SV2B: variants seen among roughly 807,000 people sequenced by gnomAD.
SV2B encodes the protein solute carrier family 22 member B2.
A neutral mutation model predicts 73.9 loss-of-function variants in SV2B; 41 were observed. The ratio of observed to expected loss-of-function variants is 0.56; its 90% CI spans 0.43 to 0.72. The LOEUF is 0.72. Ranked by LOEUF, SV2B falls within the 30% of genes least tolerant of loss-of-function variation. The pLI is 0.00. For missense variants in SV2B, 764 were observed against 857.8 expected (o/e 0.89, Z 1.37); for synonymous variants, 314 against 314.2 (o/e 1.00, Z 0.01).
intron 1 of SV2B, among the ~76,000 whole-genome samples, chr15:91,179,114 A>G (rs917956713): frequency 2.1e-4 from 32 of 152,012 alleles, no homozygotes; most frequent in African/African-American, 7.5e-4. Context: ...GTTGGTTTCA[A>G]AGAACATCTT....
rs1330586978 is a variant in SV2B, at chr15:91,261,851, G to A, written c.1008+1442G>A. Among the ~76,000 whole-genome samples, 2 of 152,150 alleles carry A rather than the reference G, an allele frequency of 1.3e-5. No individual in the cohort carries two copies. The highest frequency in any genetic ancestry group is 6.5e-5 in the Admixed American group (1 of 15,272). On this transcript the variant is annotated intron_variant, in intron 6 of 12. Transcript: ENST00000394232. This position sits in a 1 kb window ranked among gnomAD's most constrained non-coding sequence, Gnocchi z 4.7. ...AAGATGGCCTGATAGTTACAGAGAC[G>A]CTGTCTTCCTGCCTGCCATGCTCTG...
intron 1 of SV2B, among the ~76,000 whole-genome samples, chr15:91,162,514 CATAAG>C (rs138840858): frequency 0.12 from 17,756 of 152,102 alleles, 1,332 homozygotes; most frequent in South Asian, 0.22. Flanking sequence ...AGTTTAGAAA[CATAAG>C]ATAACACCTA....
chr15:91,286,117 A>T (rs1372176215), intron 11 of SV2B, among the ~76,000 whole-genome samples: 1 of 152,202 alleles, frequency 6.6e-6, no homozygotes, highest in African/African-American at 2.4e-5. Context: ...GCTTGTTAAG[A>T]GCTGAGACAG....
chr15:91,127,261 A>G (rs1440776652), intron 1 of SV2B, among the ~76,000 whole-genome samples: 1 of 152,170 alleles, frequency 6.6e-6, no homozygotes, highest in African/African-American at 2.4e-5. Flanking sequence ...CATCTCAGAG[A>G]AAAGAGAAGG....
intron 9 of SV2B, among the ~76,000 whole-genome samples, chr15:91,278,185 A>G (rs1425150084): frequency 6.6e-6 from 1 of 152,236 alleles, no homozygotes; most frequent in Non-Finnish European, 1.5e-5. Flanking sequence ...ACACAGTAAA[A>G]GTACGCCCCG....
rs758435473 is a variant in SV2B, at chr15:91,231,988, C to T, written c.451+5274C>T. Reference sequence around the variant, plus strand: ...GCAGCTCAGAGATAGATATATTACTCTGCTGTCGTGAAAGATTATCTTGTG... The same window carrying T: ...GCAGCTCAGAGATAGATATATTACTTTGCTGTCGTGAAAGATTATCTTGTG... On this transcript the variant is annotated intron_variant, in intron 2 of 12. Coordinates refer to ENST00000394232, the MANE Select transcript of SV2B (RefSeq NM_001323032.3). This position sits in a 1 kb window ranked among gnomAD's most constrained non-coding sequence, Gnocchi z 4.5. 6.6e-6 allele frequency among the ~76,000 whole-genome samples: 1 copy of T among 152,184 alleles called. No individual in the cohort carries two copies. Among genetic ancestry groups the T allele is most frequent in the Non-Finnish European group, 1.5e-5 (1 of 68,036 alleles).
At chr15:91,151,216 C>G (rs1195369887) in intron 1 of SV2B, among the ~76,000 whole-genome samples, 3 of 152,224 alleles carry the variant, frequency 2.0e-5, no homozygotes, top group Admixed American at 6.5e-5. Flanking sequence ...TGAAACAAAA[C>G]AAAAGCACAA....
In SV2B at chr15:91,124,384, TGA is replaced by T. The variant is rs1247812134; in HGVS notation, c.-392+24024_-392+24025del. On this transcript the variant is annotated intron_variant, in intron 1 of 12. Transcript: ENST00000394232. The surrounding 1 kb of genome is among the most constrained non-coding windows in gnomAD (Gnocchi z 4.6). ...TAATGGCACCTCCTTCCTCAGGAAG[TGA>T]GACACCTGCAACCGAGTGTGAGGTG... Among the ~76,000 whole-genome samples, 2 of 152,000 alleles carry T rather than the reference TGA, an allele frequency of 1.3e-5. No homozygotes were observed. Among genetic ancestry groups the T allele is most frequent in the African/African-American group, 4.8e-5 (2 of 41,372 alleles).
chr15:91,224,948 A>T lies in SV2B; in HGVS notation c.-391-925A>T, dbSNP rs1749761773. ...GGATGAGATCTTGGCTCTAGACAAC[A>T]TTGCCTCCTGGTGTCCAGAATTGGA... On this transcript the variant is annotated intron_variant, in intron 1 of 12. Coordinates refer to ENST00000394232, the MANE Select transcript of SV2B (RefSeq NM_001323032.3). This position sits in a 1 kb window ranked among gnomAD's most constrained non-coding sequence, Gnocchi z 4.9. Among the ~76,000 whole-genome samples the T allele has an allele frequency of 6.6e-6, 1 of 152,128 alleles. No individual in the cohort carries two copies. The highest frequency in any genetic ancestry group is 1.5e-5 in the Non-Finnish European group (1 of 68,006).
At chr15:91,150,316 C>G (rs760715579) in intron 1 of SV2B, among the ~76,000 whole-genome samples, 3 of 152,134 alleles carry the variant, frequency 2.0e-5, no homozygotes, top group Admixed American at 6.6e-5. Flanking sequence ...TTCTGTCTGT[C>G]TCTCTATCAC....
rs1174828797 is a variant in SV2B at position 91,269,886 on chromosome 15, C to T, written c.1373+1281C>T. Among the ~76,000 whole-genome samples the T allele has an allele frequency of 1.8e-4, 28 of 152,028 alleles. 1 individual carries two copies. Among genetic ancestry groups the T allele is most frequent in the Admixed American group, 1.8e-3 (27 of 15,264 alleles). On this transcript the variant is annotated intron_variant, in intron 9 of 12. Transcript: ENST00000394232. ...TGCAGACATCTCCATACTCATATAC[C>T]CATGCATCTATACATCCCCTACAGA...
At chr15:91,228,869 G>A (rs977726210) in intron 2 of SV2B, among the ~76,000 whole-genome samples, 1 of 152,198 alleles carries the variant, frequency 6.6e-6, no homozygotes, top group African/African-American at 2.4e-5. Flanking sequence ...GATTTCATGA[G>A]GCCAGAATTT....
At chr15:91,208,019 G>A (rs896604814) in intron 1 of SV2B, among the ~76,000 whole-genome samples, 1 of 152,168 alleles carries the variant, frequency 6.6e-6, no homozygotes, top group African/African-American at 2.4e-5. Context: ...CCACTTCAGG[G>A]GAGAAGGGGG....
At chr15:91,279,195 A>G (rs960713840) in intron 9 of SV2B, among the ~76,000 whole-genome samples, 3 of 152,206 alleles carry the variant, frequency 2.0e-5, no homozygotes, top group Non-Finnish European at 2.9e-5. Flanking sequence ...CTATCTTGAT[A>G]ATCATCACAC....
Position 91,224,955 on chromosome 15 carries a change from C to T in SV2B, c.-391-918C>T, listed in dbSNP as rs1442109294. The stretch of plus-strand genomic sequence containing the variant: ...ATCTTGGCTCTAGACAACATTGCCT[C>T]CTGGTGTCCAGAATTGGAACTAGGG... On this transcript the variant is annotated intron_variant, in intron 1 of 12. Transcript: ENST00000394232. This position sits in a 1 kb window ranked among gnomAD's most constrained non-coding sequence, Gnocchi z 4.9. Among the ~76,000 whole-genome samples the T allele has an allele frequency of 6.6e-6, 1 of 152,120 alleles. No homozygotes were observed. The highest frequency in any genetic ancestry group is 2.4e-5 in the African/African-American group (1 of 41,408).
chr15:91,178,636 G>C (rs1437582226), intron 1 of SV2B, among the ~76,000 whole-genome samples: 16 of 151,920 alleles, frequency 1.1e-4, no homozygotes, highest in African/African-American at 3.9e-4. Flanking sequence ...TGTGTGTGTC[G>C]AGAAATTTAT....
intron 6 of SV2B, 67 bp downstream of exon 6, chr15:91,260,476 GT>G: frequency 3.1e-6 from 4 of 1,304,054 alleles, no homozygotes; most frequent in Non-Finnish European, 4.2e-6. Context: ...TTACTAAAAA[GT>G]AATTTAAGCA....
intron 2 of SV2B, among the ~76,000 whole-genome samples, chr15:91,235,787 T>G (rs1223254442): frequency 6.6e-6 from 1 of 152,200 alleles, no homozygotes; most frequent in African/African-American, 2.4e-5. Context: ...TTACAGTTTC[T>G]GAGTTATTGG....
intron 2 of SV2B, among the ~76,000 whole-genome samples, chr15:91,246,437 C>G (rs1233223582): frequency 6.6e-6 from 1 of 152,138 alleles, no homozygotes; most frequent in Non-Finnish European, 1.5e-5. Context: ...ATCCACTCCC[C>G]TATATAATCC....
Sources: gnomAD v4.1 joint callset for allele counts (sites outside exome capture counted in the v4.1 genomes callset) on GRCh38, gnomAD v4.1.1 for gene constraint, Gnocchi (gnomAD v3.1) non-coding constraint, MANE v1.5 for transcripts, NCBI Gene and HGNC (gene_info 2026-07-23, HGNC 2026-07-21) for gene names.